Variants in PGCKA1 observed in about 807,000 individuals in gnomAD.
PGCKA1 encodes the protein PDCD10 and GCKIII kinases-associated protein 1.
chr4:37,555,437 C>G, the PGCKA1 span, among the ~76,000 whole-genome samples: 4 of 152,170 alleles, frequency 2.6e-5, no homozygotes, highest in Admixed American at 2.0e-4. Flanking sequence ...TCCTCCCTAC[C>G]GATTCCTTGC....
chr4:37,568,778 A>G, the PGCKA1 span, among the ~76,000 whole-genome samples: 1 of 152,226 alleles, frequency 6.6e-6, no homozygotes, highest in Non-Finnish European at 1.5e-5. Flanking sequence ...AATCAAGTCA[A>G]TGAGTTGAAG....
At chr4:37,509,342 C>T in the PGCKA1 span, among the ~76,000 whole-genome samples, 15 of 137,480 alleles carry the variant, frequency 1.1e-4, 2 homozygotes, top group African/African-American at 3.1e-4. Flanking sequence ...CGGGCAGAGA[C>T]GCTGCTCACC....
the PGCKA1 span, among the ~76,000 whole-genome samples, chr4:37,561,131 C>T: frequency 6.6e-6 from 1 of 152,194 alleles, no homozygotes; most frequent in African/African-American, 2.4e-5. Context: ...TCCATCCTTT[C>T]CTTATCTCTG....
At chr4:37,495,196 G>A in the PGCKA1 span, among the ~76,000 whole-genome samples, 1 of 152,142 alleles carries the variant, frequency 6.6e-6, no homozygotes, top group Non-Finnish European at 1.5e-5. Context: ...TCTCACGCCA[G>A]TTAGAATGGC....
chr4:37,550,544 C>T, the PGCKA1 span, among the ~76,000 whole-genome samples: 1 of 152,102 alleles, frequency 6.6e-6, no homozygotes, highest in Non-Finnish European at 1.5e-5. Context: ...TCACAAACCC[C>T]TCACACCCAA....
At chr4:37,551,778 T>C in the PGCKA1 span, among the ~76,000 whole-genome samples, 12 of 152,338 alleles carry the variant, frequency 7.9e-5, no homozygotes, top group African/African-American at 2.9e-4. Context: ...GTTATAATAG[T>C]AATAGAAACC....
the PGCKA1 span, chr4:37,590,727 G>C: frequency 1.1e-5 from 18 of 1,614,154 alleles, no homozygotes; most frequent in African/African-American, 1.3e-5. Flanking sequence ...AGCCCCCAGT[G>C]GGGGAGCATG....
chr4:37,480,249 T>C, the PGCKA1 span, among the ~76,000 whole-genome samples: 7 of 152,146 alleles, frequency 4.6e-5, no homozygotes, highest in Admixed American at 4.6e-4. Flanking sequence ...TCCCAGCACT[T>C]TGGGAGGCCA....
the PGCKA1 span, among the ~76,000 whole-genome samples, chr4:37,561,224 G>T: frequency 1.3e-5 from 2 of 152,112 alleles, no homozygotes; most frequent in South Asian, 4.1e-4. Flanking sequence ...TCCTCTCTGA[G>T]CATTCTTCCC....
chr4:37,571,267 T>TA, the PGCKA1 span, among the ~76,000 whole-genome samples: 1 of 151,804 alleles, frequency 6.6e-6, no homozygotes, highest in Admixed American at 6.6e-5. Flanking sequence ...CTTCAGTATA[T>TA]ACACAGGATG....
At chr4:37,574,989 A>G in the PGCKA1 span, among the ~76,000 whole-genome samples, 1 of 152,146 alleles carries the variant, frequency 6.6e-6, no homozygotes, top group Admixed American at 6.5e-5. Flanking sequence ...AGAACTCTAT[A>G]CCACATTTTC....
chr4:37,460,596 CT>C, the PGCKA1 span: 5 of 452,622 alleles, frequency 1.1e-5, no homozygotes, highest in Admixed American at 2.4e-5. Context: ...CAGTGATGAG[CT>C]TTTTTTATAT....
the PGCKA1 span, among the ~76,000 whole-genome samples, chr4:37,477,682 A>G: frequency 1.3e-5 from 2 of 152,152 alleles, no homozygotes; most frequent in African/African-American, 4.8e-5. Context: ...CCCATCACAG[A>G]TATGCCAACC....
chr4:37,514,035 T>C, the PGCKA1 span, among the ~76,000 whole-genome samples: 1 of 152,234 alleles, frequency 6.6e-6, no homozygotes, highest in Non-Finnish European at 1.5e-5. Context: ...CATTGGCTTA[T>C]GGTTTAGGAG....
chr4:37,484,060 G>A, the PGCKA1 span, among the ~76,000 whole-genome samples: 18 of 152,144 alleles, frequency 1.2e-4, no homozygotes, highest in African/African-American at 3.4e-4. Context: ...ATTACCAGCT[G>A]ACTAGTAAAG....
At chr4:37,479,492 T>G in the PGCKA1 span, among the ~76,000 whole-genome samples, 2 of 152,146 alleles carry the variant, frequency 1.3e-5, no homozygotes, top group African/African-American at 4.8e-5. Context: ...CAAGAATTAA[T>G]GAAATAATCA....
the PGCKA1 span, among the ~76,000 whole-genome samples, chr4:37,564,615 T>G: frequency 3.3e-5 from 5 of 152,072 alleles, no homozygotes; most frequent in African/African-American, 1.2e-4. Flanking sequence ...CAAGTGATTC[T>G]CCTGCCTCAG....
At chr4:37,566,917 A>G in the PGCKA1 span, among the ~76,000 whole-genome samples, 125 of 152,226 alleles carry the variant, frequency 8.2e-4, 1 homozygote, top group Middle Eastern at 0.014. Context: ...TTCTCTTGAG[A>G]TGAGTAAAAT....
the PGCKA1 span, among the ~76,000 whole-genome samples, chr4:37,524,879 G>T: frequency 6.6e-6 from 1 of 152,138 alleles, no homozygotes; most frequent in Non-Finnish European, 1.5e-5. Context: ...AGTGTAATGC[G>T]CACAGTGGGT....
Sources: allele counts gnomAD v4.1 joint callset (sites outside exome capture counted in the v4.1 genomes callset), GRCh38; gene constraint gnomAD v4.1.1; transcripts MANE v1.5; gene names NCBI Gene and HGNC (gene_info 2026-07-23, HGNC 2026-07-21).